GPC5: variants seen among roughly 807,000 people sequenced by gnomAD.
The protein encoded by GPC5 is glypican-5.
GPC5 carries 47 observed loss-of-function variants against 53.9 expected under a neutral mutation model. The ratio of observed to expected loss-of-function variants is 0.87; its 90% CI spans 0.69 to 1.11. The LOEUF (loss-of-function observed/expected upper bound fraction) is 1.11, where lower values mean the gene tolerates loss of function less well. GPC5 is among the 50% of genes most tolerant of loss of function. The probability of loss-of-function intolerance (pLI) is 0.00; values close to 1 mark genes in which losing one functional copy is unlikely to be tolerated. For missense variants in GPC5, 748 were observed against 713.1 expected (o/e 1.05, Z -0.56); for synonymous variants, 286 against 263.3 (o/e 1.09, Z -0.84).
chr13:91,450,307 C>T (rs994979802), intron 2 of GPC5, among the ~76,000 whole-genome samples: 4 of 152,000 alleles, frequency 2.6e-5, no homozygotes, highest in Non-Finnish European at 4.4e-5. Context: ...AGTTAGAAGC[C>T]GTTAACCATC....
chr13:92,177,213 C>A (rs114651196), intron 7 of GPC5, among the ~76,000 whole-genome samples: 2 of 152,166 alleles, frequency 1.3e-5, no homozygotes, highest in African/African-American at 4.8e-5. Context: ...TGTATCAGAA[C>A]ATGTTGTTTT....
intron 7 of GPC5, among the ~76,000 whole-genome samples, chr13:92,277,017 A>AT (rs1235081723): frequency 6.6e-6 from 1 of 151,644 alleles, no homozygotes; most frequent in African/African-American, 2.4e-5. Flanking sequence ...TTTACTTTAT[A>AT]TTTACAGGAA....
At chr13:92,144,701 A>C in intron 6 of GPC5, 129 bp from the exon 7 acceptor site, 1 of 804,668 alleles carries the variant, frequency 1.2e-6, no homozygotes, top group East Asian at 2.9e-5. Context: ...TTTCTTAAAG[A>C]CTTGACTTGG....
chr13:92,333,623 A>T (rs2043302937), intron 7 of GPC5, among the ~76,000 whole-genome samples: 1 of 152,086 alleles, frequency 6.6e-6, no homozygotes, highest in Admixed American at 6.6e-5. Flanking sequence ...AGGACTGTAG[A>T]ATGCTTCCTG....
At chr13:91,873,400 TG>T (rs2039168850) in intron 5 of GPC5, among the ~76,000 whole-genome samples, 1 of 152,148 alleles carries the variant, frequency 6.6e-6, no homozygotes, top group African/African-American at 2.4e-5. Context: ...CATCTTGAAT[TG>T]TAACCCCCCA....
chr13:92,689,415 C>T (rs1887329188), intron 7 of GPC5, among the ~76,000 whole-genome samples: 1 of 40,336 alleles, frequency 2.5e-5, no homozygotes, highest in Non-Finnish European at 5.4e-5. Context: ...TTTCCATTGG[C>T]TTGGTAGATC....
At chr13:92,634,597 G>A (rs185890457) in intron 7 of GPC5, among the ~76,000 whole-genome samples, 113 of 152,066 alleles carry the variant, frequency 7.4e-4, no homozygotes, top group Non-Finnish European at 6.6e-4. Flanking sequence ...CCGAAATTTT[G>A]TACACTTTGA....
intron 7 of GPC5, among the ~76,000 whole-genome samples, chr13:92,762,844 C>A (rs1236790942): frequency 6.6e-6 from 1 of 151,848 alleles, no homozygotes; most frequent in East Asian, 1.9e-4. Context: ...TTTCAAAAGA[C>A]CTTTTTCAAG....
chr13:92,264,866 CTCTCTCTCTCTCTGTGTGTGTGTGTGTG>C (rs1208368930), intron 7 of GPC5, among the ~76,000 whole-genome samples: 1 of 116,138 alleles, frequency 8.6e-6, no homozygotes. Flanking sequence ...CTCTCTCTCT[CTCTCTCTCTCTCTGTGTGTGTGTGTGTG>C]TGTGTGTGTG....
At chr13:92,713,559 G>A (rs1235759557) in intron 7 of GPC5, among the ~76,000 whole-genome samples, 6 of 147,864 alleles carry the variant, frequency 4.1e-5, no homozygotes, top group Non-Finnish European at 8.9e-5. Flanking sequence ...AGTGAGCTGA[G>A]ATCGTGCCAA....
intron 2 of GPC5, among the ~76,000 whole-genome samples, chr13:91,626,131 A>G (rs61966918): frequency 0.22 from 33,143 of 152,034 alleles, 4,108 homozygotes; most frequent in African/African-American, 0.34. Flanking sequence ...TTTTTTACCT[A>G]AAATCTTAGA....
chr13:91,785,153 G>A (rs971083477), intron 5 of GPC5, among the ~76,000 whole-genome samples: 2 of 152,020 alleles, frequency 1.3e-5, no homozygotes, highest in African/African-American at 4.8e-5. Context: ...TTTAATATTG[G>A]TGCACCTGAG....
chr13:92,214,608 A>C (rs936307121), intron 7 of GPC5, among the ~76,000 whole-genome samples: 3 of 152,150 alleles, frequency 2.0e-5, no homozygotes, highest in African/African-American at 7.2e-5. Context: ...TAAGTGGTTC[A>C]AAAGGAGGGA....
At position 91,627,192 on chromosome 13, in the gene GPC5, G is replaced by A. The variant is rs2034026809; in HGVS notation, c.326-65995G>A. 2.1e-4 allele frequency among the ~76,000 whole-genome samples: 4 copies of A among 19,214 alleles called. 2 individuals carry two copies. The highest frequency in any genetic ancestry group is 2.9e-4 in the Non-Finnish European group (4 of 13,878). 12.6% of individuals were successfully genotyped at this position (19,214 alleles called of 152,430 possible). ...ACTACAGGCGCCCGCCACCGCGCCC[G>A]GCTAATTTTTTGTATTTTTAGTAGA... On this transcript the variant is annotated intron_variant, in intron 2 of 7. Coordinates refer to ENST00000377067, the MANE Select transcript of GPC5 (RefSeq NM_004466.6).
chr13:92,033,388 T>TA (rs2040869075), intron 6 of GPC5, among the ~76,000 whole-genome samples: 1 of 152,144 alleles, frequency 6.6e-6, no homozygotes, highest in Non-Finnish European at 1.5e-5. Flanking sequence ...CAAGATATCT[T>TA]ACCTGATCTG....
At chr13:92,126,784 A>T (rs140516524) in intron 6 of GPC5, among the ~76,000 whole-genome samples, 2 of 151,780 alleles carry the variant, frequency 1.3e-5, no homozygotes, top group East Asian at 3.9e-4. Flanking sequence ...AACCAGTAGG[A>T]TACTAACAAT....
At chr13:91,901,878 A>G (rs140531279) in intron 5 of GPC5, among the ~76,000 whole-genome samples, 73 of 152,190 alleles carry the variant, frequency 4.8e-4, no homozygotes, top group Non-Finnish European at 8.8e-4. Context: ...ATACAAGAAC[A>G]TAATAAACAA....
chr13:92,403,157 TAAGAC>T, intron 7 of GPC5, among the ~76,000 whole-genome samples: 1 of 152,332 alleles, frequency 6.6e-6, no homozygotes, highest in East Asian at 1.9e-4. Flanking sequence ...TTGCAAAGTT[TAAGAC>T]AAGATGCCGA....
intron 7 of GPC5, among the ~76,000 whole-genome samples, chr13:92,466,100 T>A (rs2139416083): frequency 6.6e-6 from 1 of 152,160 alleles, no homozygotes; most frequent in Admixed American, 6.6e-5. Context: ...ACAGATATGT[T>A]AATTAGCCTG....
Sources: allele counts gnomAD v4.1 joint callset (sites outside exome capture counted in the v4.1 genomes callset), GRCh38; gene constraint gnomAD v4.1.1; transcripts MANE v1.5; gene names NCBI Gene and HGNC (gene_info 2026-07-23, HGNC 2026-07-21).